The following BACH2 variants were observed in gnomAD, a reference collection of about 807,000 sequenced individuals.
BACH2 encodes transcription regulator protein BACH2.
In BACH2, 5 loss-of-function variants were observed where a neutral mutation model predicts 61.8. The observed-to-expected ratio is 0.08, with a 90% CI of 0.04 to 0.17. BACH2 has a LOEUF of 0.17. Ranked by LOEUF, BACH2 falls within the 10% of genes least tolerant of loss-of-function variation. BACH2 has a pLI of 1.00. For missense variants in BACH2, 824 were observed against 1,091.1 expected, an observed-to-expected ratio of 0.76 and a Z score of 3.45; for synonymous variants, 446 against 440.1, an observed-to-expected ratio of 1.01 and a Z score of -0.17.
chr6:90,197,345 AGAT>A (rs747701324), intron 4 of BACH2, among the ~76,000 whole-genome samples: 14 of 152,208 alleles, frequency 9.2e-5, no homozygotes, highest in Non-Finnish European at 1.9e-4. Flanking sequence ...AATCCCACTG[AGAT>A]GATACCTTTG....
intron 7 of BACH2, among the ~76,000 whole-genome samples, chr6:89,946,239 A>G (rs1221663609): frequency 6.6e-6 from 1 of 152,204 alleles, no homozygotes; most frequent in African/African-American, 2.4e-5. Context: ...ATAAATGTTC[A>G]ATACACATAA....
chr6:90,120,630 G>A (rs916017022), intron 4 of BACH2, among the ~76,000 whole-genome samples: 6 of 152,260 alleles, frequency 3.9e-5, no homozygotes, highest in Admixed American at 3.9e-4. Flanking sequence ...AAAGCTACCT[G>A]CTTTTTGAAC....
At chr6:90,025,712 C>T (rs1326482488) in intron 5 of BACH2, among the ~76,000 whole-genome samples, 1 of 152,156 alleles carries the variant, frequency 6.6e-6, no homozygotes, top group Non-Finnish European at 1.5e-5. Context: ...AACCTATTTA[C>T]TTCATTAAAG....
chr6:90,098,197 G>A (rs1782459070), intron 4 of BACH2, among the ~76,000 whole-genome samples: 1 of 152,084 alleles, frequency 6.6e-6, no homozygotes, highest in Admixed American at 6.5e-5. Flanking sequence ...TAAAGTCTTG[G>A]CACAGAACAC....
intron 6 of BACH2, among the ~76,000 whole-genome samples, chr6:89,968,417 ATC>A (rs1775160330): frequency 6.6e-6 from 1 of 152,264 alleles, no homozygotes; most frequent in Non-Finnish European, 1.5e-5. Flanking sequence ...TTCTAATAAA[ATC>A]TGTTAAAAAT....
chr6:90,066,369 G>C (rs1361775584), intron 5 of BACH2, among the ~76,000 whole-genome samples: 1 of 152,138 alleles, frequency 6.6e-6, no homozygotes, highest in Non-Finnish European at 1.5e-5. Flanking sequence ...ATGGGGTGGG[G>C]GTGATGAGGC....
chr6:90,133,360 A>C (rs984715502), intron 4 of BACH2, among the ~76,000 whole-genome samples: 14 of 152,216 alleles, frequency 9.2e-5, no homozygotes, highest in African/African-American at 2.4e-5. Context: ...TAAACCCAGA[A>C]TTGAGTACAT....
intron 8 of BACH2, among the ~76,000 whole-genome samples, chr6:89,935,853 G>T (rs1192373582): frequency 6.6e-6 from 1 of 152,176 alleles, no homozygotes; most frequent in African/African-American, 2.4e-5. Flanking sequence ...ATGTGCCTAG[G>T]CCCCTGTAGA....
At chr6:89,952,203 A>G (rs1774171050) in intron 6 of BACH2, 1 of 296,534 alleles carries the variant, frequency 3.4e-6, no homozygotes, top group Non-Finnish European at 6.4e-6. Context: ...TTCCCTCCCA[A>G]TCAGTCCTGT....
At chr6:90,295,654 G>GGTGTGTGT (rs138869202) in intron 1 of BACH2, among the ~76,000 whole-genome samples, 342 of 147,824 alleles carry the variant, frequency 2.3e-3, no homozygotes, top group African/African-American at 3.6e-3. Context: ...TGGAGTGTAG[G>GGTGTGTGT]GTGTGTGTGT....
intron 4 of BACH2, among the ~76,000 whole-genome samples, chr6:90,192,624 A>G (rs1344052628): frequency 2.0e-5 from 3 of 152,202 alleles, no homozygotes; most frequent in Non-Finnish European, 4.4e-5. Flanking sequence ...ACATGTAACA[A>G]AAAAAGTTAC....
chr6:90,099,000 T>C (rs926044858), intron 4 of BACH2, among the ~76,000 whole-genome samples: 6 of 152,222 alleles, frequency 3.9e-5, no homozygotes, highest in African/African-American at 1.4e-4. Context: ...CCTTCTGTCT[T>C]CCTGTCACTT....
chr6:89,989,836 G>A (rs982873426), intron 6 of BACH2, among the ~76,000 whole-genome samples: 1 of 152,174 alleles, frequency 6.6e-6, no homozygotes. Flanking sequence ...GAGCAGAAGA[G>A]GCAATGGAAT....
intron 8 of BACH2, 144 bp from the exon 9 acceptor site, chr6:89,933,034 A>T: frequency 3.2e-6 from 3 of 936,182 alleles, no homozygotes; most frequent in Non-Finnish European, 4.6e-6. Context: ...TAGAAACTTA[A>T]AGATACATAT....
intron 5 of BACH2, 86 bp downstream of exon 5, chr6:90,088,875 T>C (rs953459649): frequency 6.6e-6 from 1 of 152,310 alleles, no homozygotes; most frequent in Non-Finnish European, 1.5e-5. Context: ...AAGTAATTCA[T>C]GTGTGCTTGG....
intron 5 of BACH2, among the ~76,000 whole-genome samples, chr6:90,056,500 T>C (rs533678272): frequency 2.0e-5 from 3 of 152,184 alleles, no homozygotes; most frequent in African/African-American, 7.2e-5. Flanking sequence ...CAAAGAGACT[T>C]AGACTCCCAC....
intron 6 of BACH2, among the ~76,000 whole-genome samples, chr6:90,006,723 C>T (rs1389925860): frequency 6.6e-6 from 1 of 151,952 alleles, no homozygotes; most frequent in Non-Finnish European, 1.5e-5. Context: ...CTCAAGCAAT[C>T]CTCCCTCCTC....
At chr6:90,144,752 T>C (rs1469866179) in intron 4 of BACH2, among the ~76,000 whole-genome samples, 2 of 152,208 alleles carry the variant, frequency 1.3e-5, no homozygotes, top group Non-Finnish European at 2.9e-5. Context: ...ACACTCCATT[T>C]GGGGAGTTAG....
At chr6:90,002,147 C>G (rs1173296941) in intron 6 of BACH2, among the ~76,000 whole-genome samples, 1 of 152,184 alleles carries the variant, frequency 6.6e-6, no homozygotes, top group Non-Finnish European at 1.5e-5. Context: ...ATGCTTTCTT[C>G]ACCTGGCTTA....
Sources: allele counts gnomAD v4.1 joint callset (sites outside exome capture counted in the v4.1 genomes callset), GRCh38; gene constraint gnomAD v4.1.1; transcripts MANE v1.5; gene names NCBI Gene and HGNC (gene_info 2026-07-23, HGNC 2026-07-21).